Variants in ABCE1 observed in about 807,000 individuals in gnomAD.
The protein encoded by ABCE1 is ATP-binding cassette sub-family E member 1.
ABCE1 carries 22 observed loss-of-function variants against 83.4 expected under a neutral mutation model. The ratio of observed to expected loss-of-function variants is 0.26; its 90% CI spans 0.19 to 0.38. The LOEUF is 0.38. Among genes scored for constraint, ABCE1 ranks in the 10% least tolerant of loss-of-function variants. The probability of loss-of-function intolerance (pLI) is 1.00; values close to 1 mark genes in which losing one functional copy is unlikely to be tolerated. For synonymous variants in ABCE1, 204 were observed against 233.7 expected, an observed-to-expected ratio of 0.87 and a Z score of 1.16; for missense variants, 330 against 721.9, an observed-to-expected ratio of 0.46 and a Z score of 6.22.
chr4:145,101,260 A>G (rs1749149426), intron 1 of ABCE1, among the ~76,000 whole-genome samples: 1 of 152,156 alleles, frequency 6.6e-6, no homozygotes, highest in Non-Finnish European at 1.5e-5. Flanking sequence ...TCTAGGGGGA[A>G]TAGCATTACA....
intron 2 of ABCE1, 135 bp downstream of exon 2, chr4:145,104,650 G>A (rs1034571168): frequency 6.7e-5 from 37 of 553,054 alleles, no homozygotes; most frequent in Middle Eastern, 4.7e-4. Context: ...GACAAGAAAA[G>A]TAGTTTGTTC....
Position 145,125,111 on chromosome 4 carries a change from A to G in ABCE1, c.1752+10A>G. 6.4e-7 allele frequency: 1 copy of G among 1,559,106 alleles called. No homozygotes were observed. On this transcript the variant is annotated intron_variant, in intron 17 of 17. Coordinates refer to ENST00000296577, the MANE Select transcript of ABCE1 (RefSeq NM_002940.3). ...ACTTAATTCAATTAAGGTATGTAGA[A>G]AAGTTGTCTTAAATCATGGATTACT...
At chr4:145,104,183 G>GTA (rs2126699317) in intron 1 of ABCE1, among the ~76,000 whole-genome samples, 1 of 151,464 alleles carries the variant, frequency 6.6e-6, no homozygotes, top group African/African-American at 2.4e-5. Flanking sequence ...TCTGATTAAA[G>GTA]TATATATGTA....
chr4:145,120,222 G>T (rs930381937), intron 11 of ABCE1, 69 bp downstream of exon 11: 1 of 1,396,588 alleles, frequency 7.2e-7, no homozygotes, highest in Non-Finnish European at 9.8e-7. Flanking sequence ...TAACTGTTTT[G>T]TGGAAAAATT....
intron 16 of ABCE1, among the ~76,000 whole-genome samples, chr4:145,124,499 T>G (rs970946533): frequency 1.3e-5 from 2 of 152,190 alleles, no homozygotes; most frequent in African/African-American, 4.8e-5. Flanking sequence ...ATGTTGTGAT[T>G]TGGCATGATT....
intron 2 of ABCE1, among the ~76,000 whole-genome samples, 193 bp from the exon 3 acceptor site, chr4:145,105,412 T>A (rs1390826891): frequency 1.3e-5 from 2 of 152,212 alleles, no homozygotes; most frequent in South Asian, 4.1e-4. Context: ...AGGATATTCA[T>A]ATAAGTGATT....
chr4:145,121,440 G>T, intron 13 of ABCE1, 49 bp downstream of exon 13: 1 of 1,338,610 alleles, frequency 7.5e-7, no homozygotes, highest in Middle Eastern at 1.9e-4. Context: ...TTGTATATAT[G>T]CCTATAGCTT....
chr4:145,101,521 A>T (rs1471496853), intron 1 of ABCE1, among the ~76,000 whole-genome samples: 1 of 152,190 alleles, frequency 6.6e-6, no homozygotes, highest in Non-Finnish European at 1.5e-5. Context: ...AAGGCTTCCT[A>T]TGGTTCCTGT....
chr4:145,108,735 T>C (rs1366786988), intron 4 of ABCE1, among the ~76,000 whole-genome samples: 3 of 152,194 alleles, frequency 2.0e-5, no homozygotes, highest in Admixed American at 2.0e-4. Flanking sequence ...TGTAAGTAAA[T>C]GGCAGGCCAG....
At chr4:145,125,194 C>T in intron 17 of ABCE1, 93 bp downstream of exon 17, 1 of 892,720 alleles carries the variant, frequency 1.1e-6, no homozygotes, top group South Asian at 1.7e-5. Flanking sequence ...TGGCTGGGCA[C>T]AGTGGCTCAC....
intron 17 of ABCE1, among the ~76,000 whole-genome samples, chr4:145,126,013 C>T (rs1749876648): frequency 6.6e-6 from 1 of 152,154 alleles, no homozygotes. Context: ...TGTACTCCAG[C>T]CTGGGCAACA....
In ABCE1 at chr4:145,104,493, G is replaced by A. The variant is rs34265438; in HGVS notation, c.81G>A (p.Lys27=). 2.3e-5 allele frequency: 36 copies of A among 1,599,630 alleles called. No individual in the cohort carries two copies. The highest frequency in any genetic ancestry group is 3.1e-5 in the Non-Finnish European group (36 of 1,173,272). ...KPKKCRQECK[K]SCPVVRMGKL... ...AGAAATGTCGACAGGAATGCAAAAA[G>A]AGTTGTCCTGTAGTTCGAATGGGTA... Residue 27 remains lysine (K), a synonymous_variant, in exon 2 of 18, where the codon AAG becomes AAA. Transcript: ENST00000296577.
chr4:145,112,757 A>C (rs1040276787), intron 9 of ABCE1, among the ~76,000 whole-genome samples: 1 of 152,190 alleles, frequency 6.6e-6, no homozygotes, highest in African/African-American at 2.4e-5. Context: ...TTAGTATTCA[A>C]AATACGCTGT....
intron 17 of ABCE1, 36 bp from the exon 18 acceptor site, chr4:145,127,490 G>T: frequency 1.3e-6 from 2 of 1,565,588 alleles, no homozygotes; most frequent in Non-Finnish European, 1.7e-6. Context: ...GTAGAATCGT[G>T]TTGCTGATTT....
intron 11 of ABCE1, 73 bp downstream of exon 11, chr4:145,120,226 A>G (rs1749707230): frequency 2.3e-6 from 3 of 1,325,428 alleles, no homozygotes; most frequent in Non-Finnish European, 3.2e-6. Flanking sequence ...TGTTTTGTGG[A>G]AAAATTTGAA....
intron 16 of ABCE1, among the ~76,000 whole-genome samples, chr4:145,124,542 T>C (rs1205811873): frequency 1.3e-5 from 2 of 152,104 alleles, no homozygotes; most frequent in Non-Finnish European, 2.9e-5. Flanking sequence ...CGATTAAGCA[T>C]AGAAATTTAG....
chr4:145,105,529 G>A (rs1749277998), intron 2 of ABCE1, 76 bp from the exon 3 acceptor site: 10 of 984,424 alleles, frequency 1.0e-5, no homozygotes, highest in Admixed American at 7.0e-5. Flanking sequence ...TTTAGAACCA[G>A]CATTGCCTAA....
chr4:145,120,588 G>A (rs1749715778), intron 11 of ABCE1, among the ~76,000 whole-genome samples: 1 of 151,990 alleles, frequency 6.6e-6, no homozygotes, highest in African/African-American at 2.4e-5. Flanking sequence ...TGTATTACCA[G>A]CATATATTTC....
chr4:145,105,540 A>G, intron 2 of ABCE1, 65 bp from the exon 3 acceptor site: 1 of 1,193,780 alleles, frequency 8.4e-7, no homozygotes, highest in Admixed American at 2.0e-5. Context: ...CATTGCCTAA[A>G]TAACAGTGTT....
Sources: gnomAD v4.1 joint callset for allele counts (sites outside exome capture counted in the v4.1 genomes callset) on GRCh38, gnomAD v4.1.1 for gene constraint, MANE v1.5 for transcripts, NCBI Gene and HGNC (gene_info 2026-07-23, HGNC 2026-07-21) for gene names.